The following GLDC variants were observed in gnomAD, a reference collection of about 807,000 sequenced individuals.
The protein encoded by GLDC is glycine dehydrogenase (decarboxylating), mitochondrial.
In GLDC, 104 loss-of-function variants were observed where a neutral mutation model predicts 121.3. The ratio of observed to expected loss-of-function variants is 0.86; its 90% CI spans 0.73 to 1.01. The LOEUF (loss-of-function observed/expected upper bound fraction) is 1.01. GLDC is among the 50% of genes least tolerant of loss of function. The pLI, the probability that GLDC is intolerant of heterozygous loss-of-function variation, is 0.00. For missense variants in GLDC, 1,429 were observed against 1,306.6 expected (o/e 1.09, Z -1.44); for synonymous variants, 546 against 480.6 (o/e 1.14, Z -1.78).
chr9:6,608,483 A>G (rs10975683), intron 4 of GLDC, among the ~76,000 whole-genome samples: 5,998 of 147,628 alleles, frequency 0.041, 378 homozygotes, highest in African/African-American at 0.13. Flanking sequence ...GCTCACGCCT[A>G]TAATCCCAGC....
Position 6,623,066 on chromosome 9 carries a change from G to A in GLDC, c.335-2747C>T, listed in dbSNP as rs13284797. The A allele has an allele frequency of 6.3e-3, 1,103 of 176,128 alleles. 39 individuals are homozygous for A. The highest frequency in any genetic ancestry group is 0.013 in the South Asian group (149 of 11,328). The allele number at this position is 176,128 out of a possible 1,614,324, so 10.9% of individuals were successfully genotyped here. A position where few individuals can be genotyped will look rare whatever the true frequency, so the allele number is the denominator to read the frequency against. Reference sequence around the variant, plus strand: ...GGCGCCTCTGCCCCGCCGCCCCTACGGGGAAGTGAGGAGCCCCTCTGTCCC... The same window carrying A: ...GGCGCCTCTGCCCCGCCGCCCCTACAGGGAAGTGAGGAGCCCCTCTGTCCC... On this transcript the variant is annotated intron_variant, in intron 2 of 24. Transcript: ENST00000321612.
Position 6,645,339 on chromosome 9 carries a change from T to C in GLDC, c.161A>G (p.Glu54Gly). Residue 54 changes from glutamate to glycine, a missense_variant, in exon 1 of 25, where the codon GAG becomes GGG. Glu to Gly is a moderately conservative substitution (Grantham distance 98). Transcript: ENST00000321612. ...GTCGTCGTGTCTGGGCAGAAGGCGC[T>C]CCAGGAGGCGCGAGGCCCCAGCCGC... ...SAAAGASRLL[E>G]RLLPRHDDFA... 3 of 1,555,948 alleles carry C rather than the reference T, an allele frequency of 1.9e-6. No individual in the cohort carries two copies. Among genetic ancestry groups the C allele is most frequent in the Non-Finnish European group, 2.6e-6 (3 of 1,154,640 alleles).
intron 15 of GLDC, among the ~76,000 whole-genome samples, chr9:6,573,592 C>G (rs1005240739): frequency 3.9e-5 from 6 of 152,174 alleles, no homozygotes; most frequent in African/African-American, 1.4e-4. Context: ...TGTCACCCCC[C>G]AGAAGGAAAT....
At chr9:6,615,427 A>G (rs1411996287) in intron 3 of GLDC, among the ~76,000 whole-genome samples, 1 of 151,672 alleles carries the variant, frequency 6.6e-6, no homozygotes, top group Non-Finnish European at 1.5e-5. Context: ...AAAATTTAAA[A>G]AAAAAAAAAA....
intron 2 of GLDC, among the ~76,000 whole-genome samples, chr9:6,641,701 A>G (rs1020914541): frequency 1.3e-5 from 2 of 152,206 alleles, no homozygotes; most frequent in African/African-American, 4.8e-5. Context: ...AAGAGTGTCC[A>G]GTACATGGTA....
At chr9:6,557,311 A>T (rs1322025600) in intron 17 of GLDC, among the ~76,000 whole-genome samples, 2 of 152,206 alleles carry the variant, frequency 1.3e-5, no homozygotes, top group African/African-American at 4.8e-5. Flanking sequence ...GATAAAGAAC[A>T]GAGGCCAGGC....
In GLDC at chr9:6,540,243, T is replaced by C. The variant is rs1817226965; in HGVS notation, c.2570-97A>G. ...ATTTAATAAATAAGTGCATCAGCTTTTTATGTGTATCAGCGAGGACCAAGA... is the reference window on the plus strand; with the variant it reads ...ATTTAATAAATAAGTGCATCAGCTTCTTATGTGTATCAGCGAGGACCAAGA... On this transcript the variant is annotated intron_variant, in intron 21 of 24. Coordinates refer to ENST00000321612, the MANE Select transcript of GLDC (RefSeq NM_000170.3). 4 of 829,114 alleles carry C rather than the reference T, an allele frequency of 4.8e-6. No individual in the cohort carries two copies. The Admixed American group carries it at 7.2e-5, about 15-fold the overall frequency. The allele number at this position is 829,114 out of a possible 1,614,324, so 51.4% of individuals were successfully genotyped here. A position where few individuals can be genotyped will look rare whatever the true frequency, so the allele number is the denominator to read the frequency against.
intron 21 of GLDC, among the ~76,000 whole-genome samples, chr9:6,546,700 G>A (rs1232255404): frequency 6.6e-6 from 1 of 151,762 alleles, no homozygotes; most frequent in Non-Finnish European, 1.5e-5. Flanking sequence ...AGTGGCTCAC[G>A]CCTGTAATCC....
intron 11 of GLDC, among the ~76,000 whole-genome samples, chr9:6,589,847 G>T (rs1003167192): frequency 2.0e-5 from 3 of 152,202 alleles, no homozygotes; most frequent in African/African-American, 7.2e-5. Context: ...ACAAGGTCAG[G>T]AGATCGAGGC....
At chr9:6,562,568 A>T (rs572862111) in intron 16 of GLDC, among the ~76,000 whole-genome samples, 121 of 151,742 alleles carry the variant, frequency 8.0e-4, no homozygotes, top group African/African-American at 2.3e-3. Flanking sequence ...ATTAAAAAAA[A>T]TTTTTTTTTG....
intron 10 of GLDC, 70 bp from the exon 11 acceptor site, chr9:6,592,293 G>C (rs954674379): frequency 7.5e-6 from 7 of 933,914 alleles, no homozygotes; most frequent in South Asian, 2.6e-5. Flanking sequence ...TCCCAAGAGA[G>C]GTCAAAGGGG....
At chr9:6,552,543 T>C (rs750914216) in intron 20 of GLDC, among the ~76,000 whole-genome samples, 3 of 152,200 alleles carry the variant, frequency 2.0e-5, no homozygotes, top group African/African-American at 2.4e-5. Flanking sequence ...TGAAGAATCA[T>C]AAATGCCATG....
intron 15 of GLDC, among the ~76,000 whole-genome samples, chr9:6,581,999 G>A (rs1441989665): frequency 1.3e-5 from 2 of 152,004 alleles, no homozygotes; most frequent in African/African-American, 4.8e-5. Context: ...AGGATCACCT[G>A]AGATCAGGAG....
At chr9:6,608,428 A>G (rs1818781281) in intron 4 of GLDC, among the ~76,000 whole-genome samples, 1 of 149,408 alleles carries the variant, frequency 6.7e-6, no homozygotes, top group South Asian at 2.1e-4. Flanking sequence ...TCTCAAAAAA[A>G]ACAAAATAAT....
intron 2 of GLDC, among the ~76,000 whole-genome samples, chr9:6,631,091 G>A (rs1331731271): frequency 6.6e-6 from 1 of 152,226 alleles, no homozygotes; most frequent in Non-Finnish European, 1.5e-5. Flanking sequence ...TGTGCCACGT[G>A]TAAGGATATG....
chr9:6,636,351 T>A (rs1291854633), intron 2 of GLDC, among the ~76,000 whole-genome samples: 2 of 151,938 alleles, frequency 1.3e-5, no homozygotes, highest in South Asian at 4.1e-4. Flanking sequence ...TAATGTAGGT[T>A]CAATTGTAGC....
At position 6,544,311 on chromosome 9, in the gene GLDC, T is replaced by C. The variant is rs62568961; in HGVS notation, c.2570-4165A>G. Among the ~76,000 whole-genome samples, 618 of 149,690 alleles carry C rather than the reference T, an allele frequency of 4.1e-3. 2 individuals carry two copies. Among genetic ancestry groups the C allele is most frequent in the Non-Finnish European group, 6.8e-3 (464 of 67,966 alleles). On this transcript the variant is annotated intron_variant, in intron 21 of 24. Coordinates refer to ENST00000321612, the MANE Select transcript of GLDC (RefSeq NM_000170.3). ...GCCAAGGATGTGAGGGCCCAGCCCCTGAGGCCCCTGCCCACCCATACAGCA... is the reference window on the plus strand; with the variant it reads ...GCCAAGGATGTGAGGGCCCAGCCCCCGAGGCCCCTGCCCACCCATACAGCA...
rs146963261 is a variant in GLDC, at chr9:6,595,733, C to T, written c.1156-614G>A. On this transcript the variant is annotated intron_variant, in intron 8 of 24. Coordinates refer to ENST00000321612, the MANE Select transcript of GLDC (RefSeq NM_000170.3). ...CTGTAGTCCCAGTGACTCCAGAAGC[C>T]GAGATGGATCACTTGAACCCAGGAT... is the stretch of plus-strand genomic sequence containing the variant. Among the ~76,000 whole-genome samples, 140 of 152,178 alleles carry T rather than the reference C, an allele frequency of 9.2e-4. 2 individuals carry two copies. The East Asian group carries it at 0.024, about 26-fold the overall frequency.
In GLDC at chr9:6,609,620, A is replaced by G. The variant is rs960613389; in HGVS notation, c.635+572T>C. Among the ~76,000 whole-genome samples, 34 of 149,248 alleles carry G rather than the reference A, an allele frequency of 2.3e-4. No homozygotes were observed. The East Asian group carries it at 6.5e-3, about 29-fold the overall frequency. ...CCACACCTGCCCTTGAAACACCCTC[A>G]CCCCCACCCCCAGCCACATCTATCC... On this transcript the variant is annotated intron_variant, in intron 4 of 24. Transcript: ENST00000321612.
Sources: gnomAD v4.1 joint callset for allele counts (sites outside exome capture counted in the v4.1 genomes callset) on GRCh38, gnomAD v4.1.1 for gene constraint, MANE v1.5 for transcripts, NCBI Gene and HGNC (gene_info 2026-07-23, HGNC 2026-07-21) for gene names.